HACD2: variants seen among roughly 807,000 people sequenced by gnomAD.
The protein encoded by HACD2 is very-long-chain (3R)-3-hydroxyacyl-CoA dehydratase 2.
A neutral mutation model predicts 31.0 loss-of-function variants in HACD2; 15 were observed. That is an observed-to-expected ratio of 0.48 (90% CI 0.32 to 0.75). HACD2 has a LOEUF of 0.75. Ranked by LOEUF, HACD2 falls within the 30% of genes least tolerant of loss-of-function variation. The pLI, the probability that HACD2 is intolerant of heterozygous loss-of-function variation, is 0.03. For synonymous variants in HACD2, 115 were observed against 122.2 expected (o/e 0.94, Z 0.39); for missense variants, 283 against 313.0 (o/e 0.90, Z 0.72).
At chr3:123,514,224 A>T (rs1383015362) in intron 4 of HACD2, among the ~76,000 whole-genome samples, 1 of 152,114 alleles carries the variant, frequency 6.6e-6, no homozygotes, top group Non-Finnish European at 1.5e-5. Context: ...GCAGTGAGCC[A>T]AGATCTCGCC....
rs73857677 is a variant in HACD2, at chr3:123,569,103, G to A, written c.274-1323C>T. ...CACTCAATTTGTGGGGGAGGGATGT[G>A]GGGAGATTGGATTAAAAAAACAAAT... On this transcript the variant is annotated intron_variant, in intron 2 of 6. Transcript: ENST00000383657. Among the ~76,000 whole-genome samples the A allele has an allele frequency of 6.0e-3, 909 of 152,222 alleles. 9 individuals are homozygous for A. The highest frequency in any genetic ancestry group is 0.021 in the African/African-American group (884 of 41,526).
intron 1 of HACD2, among the ~76,000 whole-genome samples, chr3:123,583,880 C>G (rs2056992853): frequency 6.6e-6 from 1 of 152,170 alleles, no homozygotes; most frequent in Non-Finnish European, 1.5e-5. Flanking sequence ...TTAACCCTAA[C>G]AATGTATCAC....
At chr3:123,517,021 C>A (rs946131105) in intron 4 of HACD2, among the ~76,000 whole-genome samples, 49 of 152,118 alleles carry the variant, frequency 3.2e-4, no homozygotes, top group Non-Finnish European at 8.8e-5. Flanking sequence ...CTGGAGAGGT[C>A]AGAAAAACAT....
At chr3:123,565,822 A>G (rs1432971559) in intron 3 of HACD2, among the ~76,000 whole-genome samples, 1 of 152,214 alleles carries the variant, frequency 6.6e-6, no homozygotes, top group Non-Finnish European at 1.5e-5. Flanking sequence ...GATTTATTTA[A>G]CCGTTTATGA....
intron 2 of HACD2, among the ~76,000 whole-genome samples, chr3:123,576,793 A>G (rs1478541874): frequency 6.6e-6 from 1 of 152,236 alleles, no homozygotes; most frequent in Non-Finnish European, 1.5e-5. Flanking sequence ...TAAAGAAAGA[A>G]AAACTGGCAG....
chr3:123,575,493 G>A (rs1180863031), intron 2 of HACD2, among the ~76,000 whole-genome samples: 2 of 152,160 alleles, frequency 1.3e-5, no homozygotes, highest in Non-Finnish European at 2.9e-5. Flanking sequence ...TACTGTTTTG[G>A]ACAGCGTTCC....
At chr3:123,549,613 T>C (rs998533485) in intron 3 of HACD2, among the ~76,000 whole-genome samples, 14 of 152,216 alleles carry the variant, frequency 9.2e-5, no homozygotes, top group African/African-American at 3.4e-4. Flanking sequence ...CTGGGCGTGG[T>C]GGCATGCACT....
intron 2 of HACD2, 27 bp downstream of exon 2, chr3:123,582,185 A>AT: frequency 7.2e-7 from 1 of 1,393,070 alleles, no homozygotes; most frequent in Non-Finnish European, 9.9e-7. Flanking sequence ...ATGGAAATCA[A>AT]TAACAACAAT....
chr3:123,558,479 T>A (rs1176710881), intron 3 of HACD2, among the ~76,000 whole-genome samples: 1 of 152,184 alleles, frequency 6.6e-6, no homozygotes, highest in African/African-American at 2.4e-5. Flanking sequence ...GGGATGTTGA[T>A]AATGGGAGAC....
At chr3:123,546,709 A>G (rs1363861275) in intron 3 of HACD2, among the ~76,000 whole-genome samples, 1 of 152,230 alleles carries the variant, frequency 6.6e-6, no homozygotes, top group Non-Finnish European at 1.5e-5. Context: ...TCTGGTATGC[A>G]TAACCAAATG....
intron 4 of HACD2, among the ~76,000 whole-genome samples, chr3:123,523,376 T>A (rs138390041): frequency 3.3e-4 from 50 of 152,352 alleles, no homozygotes; most frequent in African/African-American, 1.1e-3. Context: ...AAAACCTGCA[T>A]GCTGGAGACC....
At chr3:123,573,387 G>C (rs2056875485) in intron 2 of HACD2, among the ~76,000 whole-genome samples, 1 of 152,134 alleles carries the variant, frequency 6.6e-6, no homozygotes, top group South Asian at 2.1e-4. Context: ...CCACCACATA[G>C]TACTAGTCTC....
In HACD2 at chr3:123,501,426, G is replaced by A. The variant is rs564962170; in HGVS notation, c.504-733C>T. 1.3e-3 allele frequency among the ~76,000 whole-genome samples: 197 copies of A among 152,282 alleles called. 2 individuals are homozygous for A. The highest frequency in any genetic ancestry group is 1.5e-3 in the African/African-American group (62 of 41,552). On this transcript the variant is annotated intron_variant, in intron 5 of 6. Transcript: ENST00000383657. ...TAAGCCACTATAAGTATTGCTAAAG[G>A]AATCATCAGCTCAGACTTTAAACAG...
At chr3:123,584,748 G>C (rs1377330250) in intron 1 of HACD2, 125 bp downstream of exon 1, 1 of 737,154 alleles carries the variant, frequency 1.4e-6, no homozygotes, top group Non-Finnish European at 2.0e-6. Flanking sequence ...ACCGGGTCCC[G>C]GGCACCCCCC....
At position 123,534,888 on chromosome 3, in the gene HACD2, C is replaced by G. The variant is rs780872995; in HGVS notation, c.293-6414G>C. 1.3e-4 allele frequency among the ~76,000 whole-genome samples: 19 copies of G among 151,018 alleles called. 1 individual carries two copies. The highest frequency in any genetic ancestry group is 3.4e-3 in the Middle Eastern group (1 of 292). On this transcript the variant is annotated intron_variant, in intron 3 of 6. Transcript: ENST00000383657. ...TAGGAGAAAGCTTATAGAATAAGGA[C>G]GTAAAGTATTTCTGTACAGCTATAC...
In HACD2 at chr3:123,543,841, T is replaced by A. The variant is rs183817447; in HGVS notation, c.293-15367A>T. ...AAAAAGAATTCCGTTGCTATATTTATAATTTATTTGTCTAATAAGTAATGT... is the reference window on the plus strand; with the variant it reads ...AAAAAGAATTCCGTTGCTATATTTAAAATTTATTTGTCTAATAAGTAATGT... On this transcript the variant is annotated intron_variant, in intron 3 of 6. Coordinates refer to ENST00000383657, the MANE Select transcript of HACD2 (RefSeq NM_198402.5). 2.3e-3 allele frequency: 428 copies of A among 185,938 alleles called. 1 individual carries two copies. Among genetic ancestry groups the A allele is most frequent in the Non-Finnish European group, 3.7e-3 (322 of 86,606 alleles). 11.5% of individuals were successfully genotyped at this position (185,938 alleles called of 1,614,324 possible).
At chr3:123,515,528 AGTGCTG>A (rs1361489805) in intron 4 of HACD2, among the ~76,000 whole-genome samples, 1 of 152,196 alleles carries the variant, frequency 6.6e-6, no homozygotes, top group Non-Finnish European at 1.5e-5. Context: ...AAGGGGCTGC[AGTGCTG>A]GTGCTGGTTG....
chr3:123,498,844 T>G (rs1182332516), intron 6 of HACD2, among the ~76,000 whole-genome samples: 3 of 152,162 alleles, frequency 2.0e-5, no homozygotes, highest in African/African-American at 7.2e-5. Flanking sequence ...GGAGGCTGCG[T>G]GTGGTACCCA....
At position 123,528,301 on chromosome 3, in the gene HACD2, CTTT is replaced by C; in HGVS notation, c.381+82_381+84del. On this transcript the variant is annotated intron_variant, in intron 4 of 6. Transcript: ENST00000383657. ...TGACCTGGAACTCTGACCTGGAACTCTTTAGCCATAACAAACATGTGAATCAGA... is the reference window on the plus strand; with the variant it reads ...TGACCTGGAACTCTGACCTGGAACTCAGCCATAACAAACATGTGAATCAGA... 5 of 840,480 alleles carry C rather than the reference CTTT, an allele frequency of 5.9e-6. No individual in the cohort carries two copies. In the East Asian group the frequency reaches 1.2e-4, roughly 20 times the overall value. The allele number at this position is 840,480 out of a possible 1,614,324, so 52.1% of individuals were successfully genotyped here. A position where few individuals can be genotyped will look rare whatever the true frequency, so the allele number is the denominator to read the frequency against.
Sources: gnomAD v4.1 joint callset for allele counts (sites outside exome capture counted in the v4.1 genomes callset) on GRCh38, gnomAD v4.1.1 for gene constraint, MANE v1.5 for transcripts, NCBI Gene and HGNC (gene_info 2026-07-23, HGNC 2026-07-21) for gene names.